Variants in UGT1A9 observed in about 807,000 individuals in gnomAD.
The protein encoded by UGT1A9 is UDP-glucuronosyltransferase 1A9.
A neutral mutation model predicts 45.0 loss-of-function variants in UGT1A9; 35 were observed. The observed-to-expected ratio is 0.78, with a 90% CI of 0.59 to 1.03. UGT1A9 has a LOEUF of 1.03. UGT1A9 is among the 50% of genes least tolerant of loss of function. UGT1A9 has a pLI of 0.00. For synonymous variants in UGT1A9, 278 were observed against 250.6 expected, an observed-to-expected ratio of 1.11 and a Z score of -1.03; for missense variants, 687 against 666.6, an observed-to-expected ratio of 1.03 and a Z score of -0.34.
chr2:233,693,736 C>T, intron 1 of UGT1A9: 1 of 1,614,224 alleles, frequency 6.2e-7, no homozygotes, highest in South Asian at 1.1e-5. Context: ...TGGATATAAT[C>T]ACCTTATATC....
rs574966930 is a variant in UGT1A9 at position 233,766,325 on chromosome 2, G to A, written c.856-709G>A. ...CCTCCGACTGCCTCAGCCAAACTCC[G>A]CGTTGTTCTGCTGGTCAGTGGCCTG... On this transcript the variant is annotated intron_variant, in intron 1 of 4. Coordinates refer to ENST00000354728, the MANE Select transcript of UGT1A9 (RefSeq NM_021027.3). Among the ~76,000 whole-genome samples the A allele has an allele frequency of 2.9e-4, 44 of 152,228 alleles. 1 individual carries two copies. The highest frequency in any genetic ancestry group is 4.6e-4 in the Admixed American group (7 of 15,302).
intron 1 of UGT1A9, among the ~76,000 whole-genome samples, chr2:233,744,652 A>G (rs754395729): frequency 1.6e-4 from 24 of 151,892 alleles, no homozygotes; most frequent in Non-Finnish European, 2.8e-4. Flanking sequence ...TCTGTATTCA[A>G]TCTACTGTGA....
intron 1 of UGT1A9, among the ~76,000 whole-genome samples, chr2:233,759,294 C>A (rs1363540933): frequency 6.6e-6 from 1 of 152,134 alleles, no homozygotes; most frequent in Non-Finnish European, 1.5e-5. Context: ...TGAAGCTGAG[C>A]CCTGAGTGGC....
At chr2:233,724,236 C>T (rs1274284123) in intron 1 of UGT1A9, among the ~76,000 whole-genome samples, 29 of 110,938 alleles carry the variant, frequency 2.6e-4, no homozygotes, top group East Asian at 8.5e-4. Flanking sequence ...TAGGGGCGGC[C>T]GGGCAGAGGC....
intron 1 of UGT1A9, chr2:233,681,949 A>G: frequency 6.2e-7 from 1 of 1,613,620 alleles, no homozygotes; most frequent in Non-Finnish European, 8.5e-7. Flanking sequence ...TGGCTCGTGC[A>G]GGGTGGACTG....
intron 1 of UGT1A9, chr2:233,682,383 CT>C (rs1559339628): frequency 6.2e-7 from 1 of 1,613,858 alleles, no homozygotes; most frequent in Non-Finnish European, 8.5e-7. Flanking sequence ...TTTCTCGATC[CT>C]TTTGATGCCT....
chr2:233,772,427 C>T lies in UGT1A9; in HGVS notation c.1461C>T (p.Asp487=), dbSNP rs114123636. ...CCTGGTACCAGTACCATTCCTTGGA[C>T]GTGATTGGTTTCCTCTTGGCCGTCG... ...DLTWYQYHSL[D]VIGFLLAVVL... is the part of the protein sequence containing the mutation. The change falls in exon 5 of 5, where the codon GAC becomes GAT. Residue 487 remains aspartate, a synonymous_variant. Coordinates refer to ENST00000354728, the MANE Select transcript of UGT1A9 (RefSeq NM_021027.3). The T allele has an allele frequency of 1.1e-4, 177 of 1,614,220 alleles. No homozygotes were observed. The highest frequency in any genetic ancestry group is 8.7e-4 in the East Asian group (39 of 44,876).
At chr2:233,691,469 C>T (rs183049628) in intron 1 of UGT1A9, 3 of 985,780 alleles carry the variant, frequency 3.0e-6, no homozygotes, top group East Asian at 1.1e-4. Flanking sequence ...AGAACACCTC[C>T]GGTGCCAAAC....
At chr2:233,760,844 GCC>G in intron 1 of UGT1A9, 1 of 1,613,986 alleles carries the variant, frequency 6.2e-7, no homozygotes, top group Non-Finnish European at 8.5e-7. Flanking sequence ...GCTACCCAGT[GCC>G]CCAACCCATT....
intron 1 of UGT1A9, among the ~76,000 whole-genome samples, chr2:233,766,473 C>CA (rs574900488): frequency 1.1e-4 from 17 of 152,240 alleles, no homozygotes; most frequent in African/African-American, 4.1e-4. Context: ...TTTTTATAGG[C>CA]ACATGATGGG....
At chr2:233,756,599 C>A (rs1235444943) in intron 1 of UGT1A9, among the ~76,000 whole-genome samples, 2 of 152,080 alleles carry the variant, frequency 1.3e-5, no homozygotes, top group Non-Finnish European at 2.9e-5. Flanking sequence ...TTTACTGTAT[C>A]GAAACCATTA....
chr2:233,749,875 A>C (rs747231604), intron 1 of UGT1A9, among the ~76,000 whole-genome samples: 2 of 151,930 alleles, frequency 1.3e-5, no homozygotes, highest in Non-Finnish European at 2.9e-5. Context: ...CAGGATTATA[A>C]GTTTCCTGAG....
At chr2:233,757,812 T>G (rs772268398) in intron 1 of UGT1A9, among the ~76,000 whole-genome samples, 1 of 151,794 alleles carries the variant, frequency 6.6e-6, no homozygotes, top group Non-Finnish European at 1.5e-5. Flanking sequence ...TGAAAGGAGC[T>G]GGTAGTGTGT....
chr2:233,737,372 G>T (rs992613847), intron 1 of UGT1A9, among the ~76,000 whole-genome samples: 12 of 152,258 alleles, frequency 7.9e-5, no homozygotes, highest in African/African-American at 2.7e-4. Flanking sequence ...CCAGGCAGGG[G>T]AGAGAATCTC....
intron 1 of UGT1A9, among the ~76,000 whole-genome samples, chr2:233,749,903 C>T (rs1384807685): frequency 6.6e-6 from 1 of 151,914 alleles, no homozygotes; most frequent in Non-Finnish European, 1.5e-5. Flanking sequence ...CCTCCAGCCA[C>T]CTGGAACTGT....
chr2:233,722,246 G>A (rs1029128389), intron 1 of UGT1A9, among the ~76,000 whole-genome samples: 1 of 152,176 alleles, frequency 6.6e-6, no homozygotes, highest in East Asian at 1.9e-4. Context: ...TATTATCTGT[G>A]ACAGACACGC....
chr2:233,726,305 A>G (rs1451221769), intron 1 of UGT1A9, among the ~76,000 whole-genome samples: 1 of 152,118 alleles, frequency 6.6e-6, no homozygotes, highest in African/African-American at 2.4e-5. Flanking sequence ...AGGTGGGAGG[A>G]TCATTGAGCT....
Position 233,728,224 on chromosome 2 carries a change from T to A in UGT1A9, c.856-38810T>A, listed in dbSNP as rs556375037. Among the ~76,000 whole-genome samples, 261 of 152,314 alleles carry A rather than the reference T, an allele frequency of 1.7e-3. 4 individuals are homozygous for A. The highest frequency in any genetic ancestry group is 5.7e-4 in the Non-Finnish European group (39 of 68,034). On this transcript the variant is annotated intron_variant, in intron 1 of 4. Coordinates refer to ENST00000354728, the MANE Select transcript of UGT1A9 (RefSeq NM_021027.3). ...GACTTGGAGAAGAGCCTGACCATAA[T>A]CTTCAGGATGAAATAAAGGCCTGGA...
At chr2:233,682,715 G>T (rs753533001) in intron 1 of UGT1A9, 9 of 1,613,822 alleles carry the variant, frequency 5.6e-6, no homozygotes, top group Non-Finnish European at 7.6e-6. Context: ...CTTTGTTTTG[G>T]AGTATCCCAA....
Sources: gnomAD v4.1 joint callset for allele counts (sites outside exome capture counted in the v4.1 genomes callset) on GRCh38, gnomAD v4.1.1 for gene constraint, MANE v1.5 for transcripts, NCBI Gene and HGNC (gene_info 2026-07-23, HGNC 2026-07-21) for gene names.